The following PP2D1 variants were observed in gnomAD, a reference collection of about 807,000 sequenced individuals.
The protein encoded by PP2D1 is protein phosphatase 2C-like domain-containing protein 1.
In PP2D1, 25 loss-of-function variants were observed where a neutral mutation model predicts 30.2. The observed-to-expected ratio is 0.83, with a 90% confidence interval of 0.60 to 1.16. The LOEUF (loss-of-function observed/expected upper bound fraction) is 1.16. Among genes scored for constraint, PP2D1 ranks in the 50% most tolerant of loss-of-function variants. PP2D1 has a pLI of 0.00. For synonymous variants in PP2D1, 260 were observed against 258.9 expected (o/e 1.00, Z -0.04); for missense variants, 760 against 742.4 (o/e 1.02, Z -0.28).
At chr3:19,998,015 T>C (rs926880898) in intron 2 of PP2D1, among the ~76,000 whole-genome samples, 3 of 152,016 alleles carry the variant, frequency 2.0e-5, no homozygotes, top group Admixed American at 2.0e-4. Context: ...ACCAACATGT[T>C]GAAACTCTGT....
chr3:19,998,327 C>T (rs1405306624), intron 2 of PP2D1, among the ~76,000 whole-genome samples: 1 of 143,358 alleles, frequency 7.0e-6, no homozygotes, highest in East Asian at 2.0e-4. Flanking sequence ...GAGACTCCGT[C>T]TCAAAAAAAA....
rs1298080161 is a variant in PP2D1 at position 19,985,373 on chromosome 3, T to C, written c.*7A>G. 1.3e-6 allele frequency: 2 copies of C among 1,513,520 alleles called. No individual in the cohort carries two copies. The highest frequency in any genetic ancestry group is 1.4e-5 in the African/African-American group (1 of 71,948). 93.8% of individuals were successfully genotyped at this position (1,513,520 alleles called of 1,614,324 possible). A position where few individuals can be genotyped will look rare whatever the true frequency, so the allele number is the denominator to read the frequency against. On this transcript the variant is annotated 3_prime_UTR_variant, in exon 3 of 3. Transcript: ENST00000389050. The stretch of plus-strand genomic sequence containing the variant: ...TTGGTGCTCTGGATAATTGGAACTT[T>C]ATTTTTTTATGTCAGAAGCTGATAT...
chr3:19,981,485 G>A (rs370357285), downstream of PP2D1, among the ~76,000 whole-genome samples: 132 of 152,156 alleles, frequency 8.7e-4, 1 homozygote, highest in African/African-American at 2.9e-3. Context: ...GTGGTGGTAT[G>A]TGCCTGTAGT....
At chr3:19,982,039 C>G (rs1461877613), downstream of PP2D1, among the ~76,000 whole-genome samples, 1 of 151,464 alleles carries the variant, frequency 6.6e-6, no homozygotes, top group Non-Finnish European at 1.5e-5. Context: ...GCCAGGAGTT[C>G]TAGACCAGCC....
intron 1 of PP2D1, among the ~76,000 whole-genome samples, chr3:20,007,637 G>T (rs915971113): frequency 1.3e-5 from 2 of 151,910 alleles, no homozygotes; most frequent in African/African-American, 4.8e-5. Context: ...GCGTGGTGGC[G>T]TATGCCTGTA....
downstream of PP2D1, among the ~76,000 whole-genome samples, chr3:19,981,569 G>A (rs755895598): frequency 1.6e-4 from 25 of 151,814 alleles, no homozygotes; most frequent in Middle Eastern, 3.2e-3. Flanking sequence ...AGCTGAGATC[G>A]TGCCACTGCA....
At chr3:19,984,331 A>G (rs1448090548), downstream of PP2D1, 2 of 404,692 alleles carry the variant, frequency 4.9e-6, no homozygotes, top group Middle Eastern at 3.7e-4. Flanking sequence ...ATTTTAATAA[A>G]TTAACCACAA....
chr3:19,985,232 G>T, downstream of PP2D1: 1 of 617,888 alleles, frequency 1.6e-6, no homozygotes. Flanking sequence ...ATATATAAAT[G>T]ATACTATATG....
chr3:20,007,690 C>T (rs867902576), intron 1 of PP2D1, among the ~76,000 whole-genome samples: 26 of 151,232 alleles, frequency 1.7e-4, no homozygotes, highest in Admixed American at 6.6e-4. Flanking sequence ...ATCGCTTGAA[C>T]CCGGGAGGCG....
chr3:19,981,553 G>A (rs1014440248), downstream of PP2D1, among the ~76,000 whole-genome samples: 1 of 152,010 alleles, frequency 6.6e-6, no homozygotes, highest in Non-Finnish European at 1.5e-5. Context: ...GGCAGAGGTT[G>A]TAGCGAGCTG....
At chr3:19,992,898 G>A (rs1159655660) in intron 2 of PP2D1, among the ~76,000 whole-genome samples, 1 of 152,192 alleles carries the variant, frequency 6.6e-6, no homozygotes, top group Non-Finnish European at 1.5e-5. Flanking sequence ...GCCAGCTGTG[G>A]TGGCGCAGGC....
intron 2 of PP2D1, among the ~76,000 whole-genome samples, chr3:19,993,813 C>T (rs2125140514): frequency 6.6e-6 from 1 of 151,610 alleles, no homozygotes; most frequent in African/African-American, 2.4e-5. Flanking sequence ...GATCTCAGCT[C>T]ACTGCAACCT....
downstream of PP2D1, chr3:19,985,030 G>A (rs957203121): frequency 4.9e-6 from 1 of 203,410 alleles, no homozygotes; most frequent in Non-Finnish European, 9.8e-6. Context: ...AAGCTACCAT[G>A]TGTCAGAGAT....
intron 2 of PP2D1, among the ~76,000 whole-genome samples, chr3:19,996,513 G>A (rs376903305): frequency 1.3e-5 from 2 of 152,054 alleles, no homozygotes; most frequent in African/African-American, 4.8e-5. Context: ...TTATAAAAAA[G>A]AATTAACACC....
At chr3:19,991,148 CAAT>C (rs888976888) in intron 2 of PP2D1, among the ~76,000 whole-genome samples, 1 of 152,138 alleles carries the variant, frequency 6.6e-6, no homozygotes, top group Non-Finnish European at 1.5e-5. Flanking sequence ...TGTTTAGGAA[CAAT>C]AATCTTGGGG....
intron 1 of PP2D1, among the ~76,000 whole-genome samples, chr3:20,003,708 G>A (rs1052277894): frequency 7.9e-5 from 12 of 151,826 alleles, no homozygotes; most frequent in African/African-American, 2.7e-4. Context: ...CAGAGATGGC[G>A]CCACTGCACT....
rs1007130307 is a variant in PP2D1, at chr3:20,007,260, T to G, written c.23+4790A>C. On this transcript the variant is annotated intron_variant, in intron 1 of 2. Coordinates refer to ENST00000389050, the MANE Select transcript of PP2D1 (RefSeq NM_001252657.2). ...ATAGTTCTTATACTGTATTTTTATT[T>G]GTATTATTTTATTGTTGTATTGGTT... 3.3e-5 allele frequency among the ~76,000 whole-genome samples: 5 copies of G among 152,310 alleles called. No individual in the cohort carries two copies. In the South Asian group the frequency reaches 1.0e-3, roughly 32 times the overall value.
At position 19,985,699 on chromosome 3, in the gene PP2D1, A is replaced by ACACG. The variant is rs554765949; in HGVS notation, c.1570_1573dup (p.Val525AlafsTer18). 8.5e-5 allele frequency: 130 copies of ACACG among 1,535,860 alleles called. 1 individual carries two copies. The South Asian group carries it at 1.4e-3, about 16-fold the overall frequency. On this transcript the variant is annotated frameshift_variant, in exon 3 of 3. Transcript: ENST00000389050. LOFTEE classifies it low-confidence loss of function (END_TRUNC). The stretch of plus-strand genomic sequence containing the variant: ...ATTTTCTTTGGAATTTGTAGTTGAC[A>ACACG]CACGTACTTCAGATACAGATTTATA...
chr3:19,982,974 A>G (rs1006188698), downstream of PP2D1, among the ~76,000 whole-genome samples: 1 of 152,168 alleles, frequency 6.6e-6, no homozygotes, highest in Non-Finnish European at 1.5e-5. Context: ...GAACGCTGAT[A>G]TGAGCTGAGC....
Sources: gnomAD v4.1 joint callset for allele counts (sites outside exome capture counted in the v4.1 genomes callset) on GRCh38, gnomAD v4.1.1 for gene constraint, MANE v1.5 for transcripts, NCBI Gene and HGNC (gene_info 2026-07-23, HGNC 2026-07-21) for gene names.